ANO3: variants seen among roughly 807,000 people sequenced by gnomAD.
ANO3 encodes anoctamin 3, also known as anoctamin-3.
ANO3 carries 99 observed loss-of-function variants against 144.8 expected under a neutral mutation model. That is an observed-to-expected ratio of 0.68 (90% CI 0.58 to 0.81). ANO3 has a LOEUF of 0.81. Ranked by LOEUF, ANO3 falls within the 30% of genes least tolerant of loss-of-function variation. The pLI, the probability that ANO3 is intolerant of heterozygous loss-of-function variation, is 0.00. For synonymous variants in ANO3, 414 were observed against 392.6 expected, an observed-to-expected ratio of 1.05 and a Z score of -0.64; for missense variants, 905 against 1,202.2, an observed-to-expected ratio of 0.75 and a Z score of 3.66.
At chr11:26,384,499 G>A (rs1407730677) in intron 1 of ANO3, among the ~76,000 whole-genome samples, 1 of 152,144 alleles carries the variant, frequency 6.6e-6, no homozygotes, top group East Asian at 1.9e-4. Flanking sequence ...AGGAGTAAAT[G>A]AAAATCTTTC....
At chr11:26,415,989 G>A (rs1246121356) in intron 1 of ANO3, among the ~76,000 whole-genome samples, 1 of 151,866 alleles carries the variant, frequency 6.6e-6, no homozygotes, top group Admixed American at 6.6e-5. Context: ...ATTTCTTATT[G>A]TTTTCAGTTT....
chr11:26,552,677 A>T (rs1849964922), intron 12 of ANO3, among the ~76,000 whole-genome samples: 1 of 152,114 alleles, frequency 6.6e-6, no homozygotes. Context: ...TCTATTAGAG[A>T]ACATATTTAC....
At chr11:26,318,799 G>T (rs1240168899) in intron 1 of ANO3, among the ~76,000 whole-genome samples, 1 of 152,204 alleles carries the variant, frequency 6.6e-6, no homozygotes. Flanking sequence ...GACCCAAGTT[G>T]AGGGTTCCTA....
intron 24 of ANO3, among the ~76,000 whole-genome samples, chr11:26,651,852 G>T (rs1203586572): frequency 6.6e-6 from 1 of 152,098 alleles, no homozygotes; most frequent in Non-Finnish European, 1.5e-5. Flanking sequence ...TCATTATGAT[G>T]GAGATAAAAT....
intron 1 of ANO3, among the ~76,000 whole-genome samples, chr11:26,282,528 T>A (rs1853702814): frequency 6.6e-6 from 1 of 152,208 alleles, no homozygotes; most frequent in South Asian, 2.1e-4. Flanking sequence ...TTGCTATGTG[T>A]ATTTACTCCT....
At chr11:26,610,378 T>A (rs1355156543) in intron 17 of ANO3, among the ~76,000 whole-genome samples, 1 of 151,976 alleles carries the variant, frequency 6.6e-6, no homozygotes, top group Non-Finnish European at 1.5e-5. Flanking sequence ...TGCCTATTAT[T>A]TTTCCAATTT....
intron 1 of ANO3, among the ~76,000 whole-genome samples, chr11:26,202,207 C>T (rs140535516): frequency 0.023 from 3,405 of 145,778 alleles, 154 homozygotes; most frequent in African/African-American, 0.082. Flanking sequence ...ATATTATTTC[C>T]AAAATGTCAT....
chr11:26,482,865 A>C (rs889671979), intron 4 of ANO3, among the ~76,000 whole-genome samples: 4 of 152,072 alleles, frequency 2.6e-5, no homozygotes, highest in African/African-American at 7.2e-5. Context: ...TGTCTGTCTG[A>C]GTTGTTTCCC....
intron 12 of ANO3, among the ~76,000 whole-genome samples, 153 bp from the exon 13 acceptor site, chr11:26,553,096 C>T (rs1849979762): frequency 6.9e-6 from 1 of 144,684 alleles, no homozygotes; most frequent in South Asian, 2.2e-4. Flanking sequence ...GGAGTCACAC[C>T]ACAGTGCCCA....
chr11:26,425,933 TGGA>T (rs1032861272), intron 1 of ANO3, among the ~76,000 whole-genome samples: 1 of 152,146 alleles, frequency 6.6e-6, no homozygotes, highest in African/African-American at 2.4e-5. Flanking sequence ...AGAAAAAGCT[TGGA>T]ATATATATTC....
At chr11:26,332,406 A>G (rs1265527432) in intron 1 of ANO3, 85 bp downstream of exon 1, 29 of 1,317,870 alleles carry the variant, frequency 2.2e-5, no homozygotes, top group Non-Finnish European at 3.2e-5. Context: ...CATCCTTTGC[A>G]GGCTTATGCG....
intron 1 of ANO3, among the ~76,000 whole-genome samples, chr11:26,431,251 A>C (rs1306725016): frequency 6.6e-6 from 1 of 152,240 alleles, no homozygotes. Context: ...AACCATGTAG[A>C]ACTTTGAAGC....
chr11:26,636,853 G>C (rs754561383), intron 20 of ANO3, among the ~76,000 whole-genome samples: 4 of 152,214 alleles, frequency 2.6e-5, no homozygotes, highest in Non-Finnish European at 5.9e-5. Flanking sequence ...AGGAACCTGG[G>C]TATTGGAGTC....
chr11:26,397,414 G>T (rs373572166), intron 1 of ANO3, among the ~76,000 whole-genome samples: 2 of 152,058 alleles, frequency 1.3e-5, no homozygotes, highest in East Asian at 3.9e-4. Flanking sequence ...GCATTAAAAA[G>T]AAATAAATCA....
At chr11:26,531,126 C>T in intron 7 of ANO3, 79 bp from the exon 8 acceptor site, 1 of 1,512,348 alleles carries the variant, frequency 6.6e-7, no homozygotes, top group East Asian at 2.3e-5. Context: ...TTCTTTAGTA[C>T]TTAAGTGAAT....
intron 1 of ANO3, among the ~76,000 whole-genome samples, chr11:26,379,562 G>T (rs959236646): frequency 3.3e-5 from 5 of 151,990 alleles, no homozygotes; most frequent in African/African-American, 1.2e-4. Context: ...TGGGTGGATT[G>T]CTTGAGCACA....
intron 1 of ANO3, among the ~76,000 whole-genome samples, chr11:26,430,307 T>C (rs1858047717): frequency 6.6e-6 from 1 of 151,896 alleles, no homozygotes; most frequent in Non-Finnish European, 1.5e-5. Context: ...TATATATATG[T>C]ATGTGTCTAC....
chr11:26,530,883 A>G lies in ANO3; in HGVS notation c.738-322A>G, dbSNP rs1323314185. ...ACTGTCTCAAAGAAAAAAAACAAAAACAAAAACAAAAACAAAAAATCTCTT... is the reference window on the plus strand; with the variant it reads ...ACTGTCTCAAAGAAAAAAAACAAAAGCAAAAACAAAAACAAAAAATCTCTT... On this transcript the variant is annotated intron_variant, in intron 7 of 26. Coordinates refer to ENST00000256737, the MANE Select transcript of ANO3 (RefSeq NM_031418.4). 8.6e-5 allele frequency among the ~76,000 whole-genome samples: 13 copies of G among 151,942 alleles called. No individual in the cohort carries two copies. In the East Asian group the frequency reaches 2.3e-3, roughly 27 times the overall value.
At chr11:26,323,732 G>C (rs1449237695) in intron 1 of ANO3, among the ~76,000 whole-genome samples, 1 of 151,990 alleles carries the variant, frequency 6.6e-6, no homozygotes. Context: ...TTCCATTAAA[G>C]CAAAGAAAAT....
Sources: allele counts gnomAD v4.1 joint callset (sites outside exome capture counted in the v4.1 genomes callset), GRCh38; gene constraint gnomAD v4.1.1; transcripts MANE v1.5; gene names NCBI Gene and HGNC (gene_info 2026-07-23, HGNC 2026-07-21).